Variants in PRMT8 observed in about 807,000 individuals in gnomAD.
The protein encoded by PRMT8 is protein arginine N-methyltransferase 8.
PRMT8 carries 7 observed loss-of-function variants against 47.1 expected under a neutral mutation model. The observed-to-expected ratio is 0.15, with a 90% CI of 0.08 to 0.28. The LOEUF is 0.28. Ranked by LOEUF, PRMT8 falls within the 10% of genes least tolerant of loss-of-function variation. The probability of loss-of-function intolerance (pLI) is 1.00; values close to 1 mark genes in which losing one functional copy is unlikely to be tolerated. For missense variants in PRMT8, 237 were observed against 505.4 expected (o/e 0.47, Z 5.09); for synonymous variants, 188 against 186.5 (o/e 1.01, Z -0.07).
At chr12:3,526,820 C>T (rs1474865056) in intron 1 of PRMT8, among the ~76,000 whole-genome samples, 1 of 152,120 alleles carries the variant, frequency 6.6e-6, no homozygotes, top group East Asian at 1.9e-4. Flanking sequence ...TTCCTTTCAT[C>T]AGAATTAACA....
chr12:3,508,159 AGTT>A lies in PRMT8; in HGVS notation c.75+16466_75+16468del, dbSNP rs893876316. Among the ~76,000 whole-genome samples, 1 of 152,010 alleles carries A rather than the reference AGTT, an allele frequency of 6.6e-6. No homozygotes were observed. Among genetic ancestry groups the A allele is most frequent in the African/African-American group, 2.4e-5 (1 of 41,342 alleles). On this transcript the variant is annotated intron_variant, in intron 1 of 9. Coordinates refer to ENST00000382622, the MANE Select transcript of PRMT8 (RefSeq NM_019854.5). The surrounding 1 kb of genome is among the most constrained non-coding windows in gnomAD (Gnocchi z 4.9). The stretch of plus-strand genomic sequence containing the variant: ...ACAACTTTAAGATTTTTTTCTGCCC[AGTT>A]GTTGTTTCACTTTTAGGAGAAAATT...
chr12:3,385,992 T>G (rs1348380079), intron 1 of PRMT8, among the ~76,000 whole-genome samples: 1 of 152,252 alleles, frequency 6.6e-6, no homozygotes, highest in African/African-American at 2.4e-5. Flanking sequence ...TTACTATGAC[T>G]CTTCTATATT....
chr12:3,527,700 A>G (rs1865968425), intron 1 of PRMT8, among the ~76,000 whole-genome samples: 1 of 152,140 alleles, frequency 6.6e-6, no homozygotes, highest in African/African-American at 2.4e-5. Flanking sequence ...GATCTTCTAA[A>G]GGGATTTAAA....
At chr12:3,408,406 A>C (rs1342891115) in intron 1 of PRMT8, among the ~76,000 whole-genome samples, 1 of 151,958 alleles carries the variant, frequency 6.6e-6, no homozygotes, top group Non-Finnish European at 1.5e-5. Flanking sequence ...GCTAAATTAA[A>C]AAAAATTTTT....
chr12:3,563,351 A>G (rs905172804), intron 4 of PRMT8, among the ~76,000 whole-genome samples: 1 of 151,844 alleles, frequency 6.6e-6, no homozygotes, highest in African/African-American at 2.4e-5. Context: ...CTCGAGTCCT[A>G]TGTTCTCGGG....
intron 1 of PRMT8, among the ~76,000 whole-genome samples, chr12:3,471,422 A>C (rs984843294): frequency 2.6e-4 from 39 of 152,062 alleles, no homozygotes; most frequent in Non-Finnish European, 4.7e-4. Flanking sequence ...TCTGGAAATC[A>C]AAAGGCCACC....
At chr12:3,539,826 G>C (rs1866188167) in intron 1 of PRMT8, among the ~76,000 whole-genome samples, 1 of 152,200 alleles carries the variant, frequency 6.6e-6, no homozygotes, top group South Asian at 2.1e-4. Context: ...ATCAGTGTGG[G>C]TATCCACAGT....
intron 1 of PRMT8, among the ~76,000 whole-genome samples, chr12:3,401,145 C>G (rs1682511783): frequency 1.4e-5 from 1 of 73,106 alleles, no homozygotes; most frequent in Admixed American, 1.7e-4. Flanking sequence ...GAAACTCCAT[C>G]TCAAAAAAAA....
intron 1 of PRMT8, among the ~76,000 whole-genome samples, chr12:3,519,498 G>A (rs1305828755): frequency 6.6e-6 from 1 of 152,216 alleles, no homozygotes; most frequent in East Asian, 1.9e-4. Context: ...AGAAAGGGAT[G>A]TGGAGGAGAG....
intron 1 of PRMT8, among the ~76,000 whole-genome samples, chr12:3,432,345 G>A (rs552476854): frequency 6.6e-6 from 1 of 152,228 alleles, no homozygotes; most frequent in Non-Finnish European, 1.5e-5. Flanking sequence ...CTGCCATTCG[G>A]AGCATTGGCT....
chr12:3,390,942 C>T (rs1195534953), intron 1 of PRMT8, among the ~76,000 whole-genome samples: 1 of 152,180 alleles, frequency 6.6e-6, no homozygotes, highest in Non-Finnish European at 1.5e-5. Context: ...GGCCATATAG[C>T]CTATTTAGTA....
In PRMT8 at chr12:3,593,495, ACT is replaced by A. The variant is rs1867358237; in HGVS notation, c.*317_*318del. 8.8e-6 allele frequency: 3 copies of A among 342,696 alleles called. No individual in the cohort carries two copies. Among genetic ancestry groups the A allele is most frequent in the Non-Finnish European group, 1.6e-5 (3 of 186,442 alleles). The allele number at this position is 342,696 out of a possible 1,614,324, so 21.2% of individuals were successfully genotyped here. The stretch of plus-strand genomic sequence containing the variant: ...TCTCCCCGTCTCCTCCTTAACTGTG[ACT>A]CTCCGGGTCTTCTGAGTTTTGCATG... On this transcript the variant is annotated 3_prime_UTR_variant, in exon 10 of 10. Transcript: ENST00000382622. This position sits in a 1 kb window ranked among gnomAD's most constrained non-coding sequence, Gnocchi z 4.8.
chr12:3,577,661 A>G (rs1866972629), intron 7 of PRMT8, among the ~76,000 whole-genome samples: 1 of 140,244 alleles, frequency 7.1e-6, no homozygotes, highest in Non-Finnish European at 1.6e-5. Context: ...TAAAACATTA[A>G]GAGACTTTTT....
At chr12:3,470,489 TCTCA>T (rs1865149069) in intron 1 of PRMT8, among the ~76,000 whole-genome samples, 1 of 152,158 alleles carries the variant, frequency 6.6e-6, no homozygotes, top group South Asian at 2.1e-4. Context: ...ACCATGTTTT[TCTCA>T]CTAAGTGGGA....
intron 1 of PRMT8, among the ~76,000 whole-genome samples, chr12:3,511,459 C>T (rs976859181): frequency 6.6e-6 from 1 of 152,200 alleles, no homozygotes; most frequent in African/African-American, 2.4e-5. Flanking sequence ...TCACTGCAGG[C>T]AGCCTGCTGG....
intron 1 of PRMT8, among the ~76,000 whole-genome samples, chr12:3,537,364 T>C (rs755954602): frequency 1.3e-5 from 2 of 152,354 alleles, no homozygotes; most frequent in African/African-American, 2.4e-5. Flanking sequence ...CAATATTACA[T>C]TGTGGGTGTT....
At chr12:3,496,214 A>ATATATATATATTTTTTTTTTTT in intron 1 of PRMT8, among the ~76,000 whole-genome samples, 3 of 27,772 alleles carry the variant, frequency 1.1e-4, no homozygotes, top group African/African-American at 1.8e-4. Context: ...ATATATATAT[A>ATATATATATATTTTTTTTTTTT]TTTTTTTTTT....
chr12:3,491,616 G>A lies in PRMT8; in HGVS notation c.-10G>A. On this transcript the variant is annotated 5_prime_UTR_variant, in exon 1 of 10. Coordinates refer to ENST00000382622, the MANE Select transcript of PRMT8 (RefSeq NM_019854.5). ...ACTATCTCGGTATCACCAAACCCTT[G>A]CCGGCTCTTATGGGCATGAAACACT... 2 of 1,611,708 alleles carry A rather than the reference G, an allele frequency of 1.2e-6. No individual in the cohort carries two copies. The highest frequency in any genetic ancestry group is 2.2e-5 in the South Asian group (2 of 90,622).
intron 1 of PRMT8, among the ~76,000 whole-genome samples, chr12:3,392,582 G>A (rs1362549317): frequency 2.6e-5 from 4 of 151,040 alleles, no homozygotes; most frequent in Non-Finnish European, 5.9e-5. Flanking sequence ...TGGTGTATAT[G>A]TGCCACATTT....
Sources: gnomAD v4.1 joint callset for allele counts (sites outside exome capture counted in the v4.1 genomes callset) on GRCh38, gnomAD v4.1.1 for gene constraint, Gnocchi (gnomAD v3.1) non-coding constraint, MANE v1.5 for transcripts, NCBI Gene and HGNC (gene_info 2026-07-23, HGNC 2026-07-21) for gene names.